Variants in ALPG observed in about 807,000 individuals in gnomAD.
ALPG encodes the protein alkaline phosphatase, germ cell, also known as alkaline phosphatase, germ cell type.
Under a neutral mutation model 48.6 loss-of-function variants are expected in ALPG, and 32 were observed. The observed-to-expected ratio is 0.66, with a 90% CI of 0.50 to 0.88. ALPG has a LOEUF of 0.88. Ranked by LOEUF, ALPG falls within the 40% of genes least tolerant of loss-of-function variation. The pLI, the probability that ALPG is intolerant of heterozygous loss-of-function variation, is 0.00. For synonymous variants in ALPG, 244 were observed against 308.9 expected (o/e 0.79, Z 2.20); for missense variants, 533 against 718.1 (o/e 0.74, Z 2.95).
Position 232,407,968 on chromosome 2 carries a change from AG to A in ALPG, c.603del (p.Cys202AlafsTer16). ...DADVPASARQ[E>X]GCQDIATQLI... ...GACGTGCCTGCCTCGGCCCGCCAGG[AG>A]GGGTGCCAGGACATCGCCACGCAGC... On this transcript the variant is annotated frameshift_variant, in exon 5 of 11. Transcript: ENST00000295453. LOFTEE classifies it high-confidence loss of function. The A allele has an allele frequency of 6.2e-7, 1 of 1,613,048 alleles. No individual in the cohort carries two copies. Among genetic ancestry groups the A allele is most frequent in the Non-Finnish European group, 8.5e-7 (1 of 1,179,862 alleles).
At chr2:232,407,483 A>T in intron 3 of ALPG, 82 bp downstream of exon 3, 1 of 1,590,382 alleles carries the variant, frequency 6.3e-7, no homozygotes, top group East Asian at 2.3e-5. Flanking sequence ...GAGGGACCCT[A>T]AACAGCTGGG....
In ALPG at chr2:232,407,102, C is replaced by T; in HGVS notation, c.113C>T (p.Ala38Val). 1 of 1,613,944 alleles carries T rather than the reference C, an allele frequency of 6.2e-7. No individual in the cohort carries two copies. ...TTCTGGAACCGCCAGGCAGCCGAGG[C>T]CCTGGGTGCCGCCAAGAAGCTGCAG... ...PDFWNRQAAE[A>V]LGAAKKLQPA... Residue 38 changes from alanine to valine, a missense_variant, in exon 2 of 11, where the codon GCC becomes GTC. Ala to Val is a moderately conservative substitution (Grantham distance 64, BLOSUM62 0). Around this residue, in one of 6 missense-constraint regions of ALPG, gnomAD observed 315 missense variants for 305.8 expected, o/e 1.03. Coordinates refer to ENST00000295453, the MANE Select transcript of ALPG (RefSeq NM_031313.3).
In ALPG at chr2:232,407,969, G is replaced by A; in HGVS notation, c.600G>A (p.Glu200=). The part of the protein sequence containing the change: ...DADVPASARQ[E]GCQDIATQLI... ...ACGTGCCTGCCTCGGCCCGCCAGGA[G>A]GGGTGCCAGGACATCGCCACGCAGC... The change falls in exon 5 of 11, where the codon GAG becomes GAA. Residue 200 remains glutamate, a synonymous_variant. Transcript: ENST00000295453. The A allele has an allele frequency of 6.2e-7, 1 of 1,613,116 alleles. No individual in the cohort carries two copies. Among genetic ancestry groups the A allele is most frequent in the Non-Finnish European group, 8.5e-7 (1 of 1,179,866 alleles).
chr2:232,408,185 G>A, intron 5 of ALPG, 82 bp from the exon 6 acceptor site: 1 of 1,591,850 alleles, frequency 6.3e-7, no homozygotes, highest in East Asian at 2.2e-5. Context: ...GCCTTGGGGA[G>A]GGGAGTCAGG....
chr2:232,407,383 G>A lies in ALPG; in HGVS notation c.282G>A (p.Pro94=), dbSNP rs41265115. The change falls in exon 3 of 11, where the codon CCG becomes CCA. Residue 94 remains proline (P), a synonymous_variant. Transcript: ENST00000295453. ...CCTTCCTGGCCATGGACCGCTTCCC[G>A]TACGTGGCTCTGTCCAAGGTAAGTG... ...PETFLAMDRF[P]YVALSKTYSV... The A allele has an allele frequency of 4.9e-5, 79 of 1,613,844 alleles. No homozygotes were observed. The highest frequency in any genetic ancestry group is 4.7e-4 in the East Asian group (21 of 44,886).
Position 232,407,279 on chromosome 2 carries a change from C to T in ALPG, c.185-7C>T, listed in dbSNP as rs758807725. The stretch of plus-strand genomic sequence containing the variant: ...GGAGCAAGCCTCACACACTTCTGCT[C>T]CTTCAGGGATGGGGGTGTCTACGGT... On this transcript the variant is annotated splice_polypyrimidine_tract_variant and splice_region_variant and intron_variant, in intron 2 of 10. Transcript: ENST00000295453. 6.2e-7 allele frequency: 1 copy of T among 1,614,002 alleles called. No homozygotes were observed. The highest frequency in any genetic ancestry group is 1.1e-5 in the South Asian group (1 of 90,954).
rs1697124931 is a variant in ALPG, at chr2:232,408,159, C to T, written c.649-108C>T. On this transcript the variant is annotated intron_variant, in intron 5 of 10. Transcript: ENST00000295453. ...GGGGGCGTAGAAGGCGCAGCCCAGG[C>T]TGGGCCATTCCCACAGCCTTGGGGA... 3 of 1,577,232 alleles carry T rather than the reference C, an allele frequency of 1.9e-6. No homozygotes were observed. In the East Asian group the frequency reaches 6.7e-5, roughly 35 times the overall value.
chr2:232,407,675 A>G lies in ALPG; in HGVS notation c.382A>G (p.Thr128Ala), dbSNP rs1246631516. Residue 128 changes from threonine to alanine, a missense_variant, in exon 4 of 11, where the codon ACC becomes GCC. Around this residue, in one of 6 missense-constraint regions of ALPG, gnomAD observed 315 missense variants for 305.8 expected, o/e 1.03. Transcript: ENST00000295453. ...YLCGVKGNFQ[T>A]IGLSAAARFN... is the part of the protein sequence containing the mutation. ...GTGCGGGGTCAAGGGCAACTTCCAG[A>G]CCATTGGCTTGAGTGCAGCCGCCCG... is the stretch of plus-strand genomic sequence containing the variant. 1 of 1,613,880 alleles carries G rather than the reference A, an allele frequency of 6.2e-7. No homozygotes were observed.
chr2:232,409,827 G>C lies in ALPG; in HGVS notation c.1554G>C (p.Leu518=). ...CCGTGGTCCCCGCGTTGCTTCCTCT[G>C]CTGGCAGGGACCTTGCTGCTGCTGG... ...GPSVVPALLP[L]LAGTLLLLGT... is the part of the protein sequence containing the mutation. The change falls in exon 11 of 11, where the codon CTG becomes CTC. Residue 518 remains leucine (L), a synonymous_variant. Transcript: ENST00000295453. The C allele has an allele frequency of 1.9e-6, 3 of 1,590,528 alleles. No individual in the cohort carries two copies. The highest frequency in any genetic ancestry group is 1.1e-5 in the South Asian group (1 of 88,508).
chr2:232,408,045 C>T (rs1697123051), intron 5 of ALPG, 28 bp downstream of exon 5: 2 of 1,595,158 alleles, frequency 1.3e-6, no homozygotes, highest in Admixed American at 1.7e-5. Flanking sequence ...AGGGCTGGGG[C>T]TGGGCAGAGA....
At chr2:232,407,217 G>A (rs755470072) in intron 2 of ALPG, 44 bp downstream of exon 2, 25 of 1,613,870 alleles carry the variant, frequency 1.5e-5, no homozygotes, top group Admixed American at 5.0e-5. Flanking sequence ...TCACAGCCCC[G>A]GCGCCCGGAC....
chr2:232,409,523 C>G lies in ALPG; in HGVS notation c.1301-51C>G, dbSNP rs762084011. On this transcript the variant is annotated intron_variant, in intron 10 of 10. Transcript: ENST00000295453. The stretch of plus-strand genomic sequence containing the variant: ...GGGGGCTGGCGGGAAGGGGTCACCT[C>G]TTGTCTGCCTGGAACTGAAACTTCC... The G allele has an allele frequency of 1.4e-5, 23 of 1,611,148 alleles. No individual in the cohort carries two copies. In the South Asian group the frequency reaches 2.4e-4, roughly 17 times the overall value.
chr2:232,407,257 G>C (rs763949854), intron 2 of ALPG, 29 bp from the exon 3 acceptor site: 17 of 1,613,816 alleles, frequency 1.1e-5, no homozygotes, highest in African/African-American at 4.0e-5. Context: ...GCCCTGGGGA[G>C]CAAGCCTCAC....
In ALPG at chr2:232,409,779, C is replaced by G. The variant is rs375861009; in HGVS notation, c.1506C>G (p.Thr502=). ...ACCTGGCGCCCCGCGCCGGCACCAC[C>G]GACGCCGCGCACCCGGGGCCGTCCG... The part of the protein sequence containing the change: ...ACDLAPRAGT[T]DAAHPGPSVV... The change falls in exon 11 of 11, where the codon ACC becomes ACG. Residue 502 remains threonine, a synonymous_variant. Coordinates refer to ENST00000295453, the MANE Select transcript of ALPG (RefSeq NM_031313.3). 2.0e-5 allele frequency: 32 copies of G among 1,603,552 alleles called. No individual in the cohort carries two copies. Among genetic ancestry groups the G allele is most frequent in the East Asian group, 9.0e-5 (4 of 44,586 alleles).
intron 1 of ALPG, 24 bp downstream of exon 1, chr2:232,406,985 C>T: frequency 6.3e-7 from 1 of 1,579,768 alleles, no homozygotes; most frequent in Non-Finnish European, 8.6e-7. Flanking sequence ...CCCAGCTGCC[C>T]CTACACACAC....
In ALPG at chr2:232,406,918, C is replaced by T. The variant is rs61730279; in HGVS notation, c.24C>T (p.Leu8=). ...ACATGCAGGGGCCCTGGGTGCTGCT[C>T]CTGCTGGGCCTGAGGCTACAGCTCT... MQGPWVL[L]LLGLRLQLSL... Residue 8 remains leucine, a synonymous_variant, in exon 1 of 11, where the codon CTC becomes CTT. Transcript: ENST00000295453. The T allele has an allele frequency of 2.5e-3, 4,073 of 1,612,630 alleles. 102 individuals are homozygous for T. The African/African-American group carries it at 0.046, about 18-fold the overall frequency.
chr2:232,409,674 G>C lies in ALPG; in HGVS notation c.1401G>C (p.Leu467=), dbSNP rs150121899. 3.1e-6 allele frequency: 5 copies of C among 1,611,582 alleles called. No individual in the cohort carries two copies. The highest frequency in any genetic ancestry group is 2.2e-5 in the East Asian group (1 of 44,838). The change falls in exon 11 of 11, where the codon CTG becomes CTC. Residue 467 remains leucine, a synonymous_variant. Transcript: ENST00000295453. ...AVFARGPQAH[L]VHGVQEQTFI... ...TCGCGCGCGGCCCGCAGGCGCACCT[G>C]GTTCACGGCGTGCAGGAGCAGACCT... is the stretch of plus-strand genomic sequence containing the variant.
In ALPG at chr2:232,407,842, C is replaced by A; in HGVS notation, c.476-3C>A. 1 of 1,613,446 alleles carries A rather than the reference C, an allele frequency of 6.2e-7. No individual in the cohort carries two copies. The highest frequency in any genetic ancestry group is 1.1e-5 in the South Asian group (1 of 90,990). ...CGCATATCCTGACCTCTATCACCCTCAGGAAAGTCAGTGGGAGTGGTAACC... is the reference window on the plus strand; with the variant it reads ...CGCATATCCTGACCTCTATCACCCTAAGGAAAGTCAGTGGGAGTGGTAACC... On this transcript the variant is annotated splice_polypyrimidine_tract_variant and splice_region_variant and intron_variant, in intron 4 of 10. Coordinates refer to ENST00000295453, the MANE Select transcript of ALPG (RefSeq NM_031313.3).
rs41265117 is a variant in ALPG, at chr2:232,407,386, C to T, written c.285C>T (p.Tyr95=). ...ETFLAMDRFP[Y]VALSKTYSVD... The stretch of plus-strand genomic sequence containing the variant: ...TCCTGGCCATGGACCGCTTCCCGTA[C>T]GTGGCTCTGTCCAAGGTAAGTGCTG... The change falls in exon 3 of 11, where the codon TAC becomes TAT. Residue 95 remains tyrosine (Y), a synonymous_variant. Transcript: ENST00000295453. 964 of 1,613,830 alleles carry T rather than the reference C, an allele frequency of 6.0e-4. 46 individuals are homozygous for T. The South Asian group carries it at 9.7e-3, about 16-fold the overall frequency.
Sources: allele counts gnomAD v4.1 joint callset, GRCh38; gene constraint gnomAD v4.1.1; regional missense constraint gnomAD v4.1.1; transcripts MANE v1.5; gene names NCBI Gene and HGNC (gene_info 2026-07-23, HGNC 2026-07-21).